The following STARD10 variants were observed in gnomAD, a reference collection of about 807,000 sequenced individuals.
The protein encoded by STARD10 is StAR related lipid transfer domain containing 10, also known as START domain-containing protein 10.
In STARD10, 24 loss-of-function variants were observed where a neutral mutation model predicts 36.0. That is an observed-to-expected ratio of 0.67 (90% CI 0.48 to 0.94). The LOEUF is 0.94. Ranked by LOEUF, STARD10 falls within the 40% of genes least tolerant of loss-of-function variation. The probability of loss-of-function intolerance (pLI) is 0.00; values close to 1 mark genes in which losing one functional copy is unlikely to be tolerated. For missense variants in STARD10, 335 were observed against 396.6 expected, an observed-to-expected ratio of 0.84 and a Z score of 1.32; for synonymous variants, 156 against 161.9, an observed-to-expected ratio of 0.96 and a Z score of 0.28.
At chr11:72,773,655 C>T (rs900003428) in intron 2 of STARD10, among the ~76,000 whole-genome samples, 10 of 152,136 alleles carry the variant, frequency 6.6e-5, no homozygotes, top group African/African-American at 2.2e-4. Flanking sequence ...AGCACCTGCC[C>T]CTGAGGAGCT....
At chr11:72,792,172 C>T (rs887731392) in intron 1 of STARD10, among the ~76,000 whole-genome samples, 31 of 151,834 alleles carry the variant, frequency 2.0e-4, no homozygotes, top group African/African-American at 6.5e-4. Flanking sequence ...GCCCCAGCCT[C>T]CCGAGTAGCT....
rs773829995 is a variant in STARD10 at position 72,781,216 on chromosome 11, G to C, written c.-35C>G. On this transcript the variant is annotated 5_prime_UTR_variant, in exon 2 of 7. Coordinates refer to ENST00000334805, the MANE Select transcript of STARD10 (RefSeq NM_006645.3). This position sits in a 1 kb window ranked among gnomAD's most constrained non-coding sequence, Gnocchi z 4.7. ...GGGGAGGCCCAGGGCCCTGGTCCTA[G>C]TCCGGCTCTCCTGGGTCCTCCGCGG... The C allele has an allele frequency of 1.9e-6, 3 of 1,580,878 alleles. No homozygotes were observed. The highest frequency in any genetic ancestry group is 8.6e-7 in the Non-Finnish European group (1 of 1,162,164).
intron 2 of STARD10, 101 bp downstream of exon 2, chr11:72,780,874 G>C: frequency 8.0e-7 from 1 of 1,247,536 alleles, no homozygotes; most frequent in South Asian, 1.2e-5. Context: ...TCTGGGCCCA[G>C]ATATACAGCC....
At chr11:72,756,975 C>T (rs1858653139) in intron 5 of STARD10, among the ~76,000 whole-genome samples, 1 of 151,962 alleles carries the variant, frequency 6.6e-6, no homozygotes, top group South Asian at 2.1e-4. Flanking sequence ...GAAACCCCAT[C>T]TCTACTAAAA....
At chr11:72,784,941 T>TG (rs1859053067) in intron 1 of STARD10, among the ~76,000 whole-genome samples, 1 of 152,182 alleles carries the variant, frequency 6.6e-6, no homozygotes, top group Admixed American at 6.5e-5. Flanking sequence ...GCTGAGGTTG[T>TG]GGGGGGCACG....
At chr11:72,786,942 A>G (rs910106410) in intron 1 of STARD10, among the ~76,000 whole-genome samples, 1 of 152,038 alleles carries the variant, frequency 6.6e-6, no homozygotes, top group Non-Finnish European at 1.5e-5. Flanking sequence ...TTAGCTGGGC[A>G]TGGTGGCACA....
intron 1 of STARD10, among the ~76,000 whole-genome samples, chr11:72,784,229 G>C (rs1859043849): frequency 6.6e-6 from 1 of 152,200 alleles, no homozygotes; most frequent in Non-Finnish European, 1.5e-5. Flanking sequence ...CAGAGCAGAA[G>C]AATGAGCCCA....
At chr11:72,758,440 G>C (rs551892757) in intron 4 of STARD10, 90 bp downstream of exon 4, 9 of 1,024,528 alleles carry the variant, frequency 8.8e-6, no homozygotes, top group Non-Finnish European at 1.4e-5. Flanking sequence ...ATGCCTGCCC[G>C]AAGTCATATT....
chr11:72,761,917 C>CTTTTTTTTTTTTTTTTTTTTTTTTTTTT lies in STARD10; in HGVS notation c.208-2537_208-2536insAAAAAAAAAAAAAAAAAAAAAAAAAAAA, dbSNP rs1189000490. Among the ~76,000 whole-genome samples, 35 of 37,476 alleles carry CTTTTTTTTTTTTTTTTTTTTTTTTTTTT rather than the reference C, an allele frequency of 9.3e-4. 7 individuals are homozygous for CTTTTTTTTTTTTTTTTTTTTTTTTTTTT. The highest frequency in any genetic ancestry group is 1.3e-3 in the Admixed American group (4 of 3,168). 24.6% of individuals were successfully genotyped at this position (37,476 alleles called of 152,430 possible). On this transcript the variant is annotated intron_variant, in intron 2 of 6. Coordinates refer to ENST00000334805, the MANE Select transcript of STARD10 (RefSeq NM_006645.3). ...TCTGTATTTCTTTTTCTTTTCTTTT[C>CTTTTTTTTTTTTTTTTTTTTTTTTTTTT]TTTTTTTTTTTTTTTTTTTTTTTTT...
Position 72,758,606 on chromosome 11 carries a change from C to T in STARD10, c.383G>A (p.Arg128His). Residue 128 changes from arginine to histidine, a missense_variant, in exon 4 of 7, where the codon CGT becomes CAT. Transcript: ENST00000334805. ...CCAGGAGCGGAGGGTGATGACATCA[C>T]GGTTCTTCAGGGGCTTGGGACACCT... Reference protein sequence around the residue: ...SWRCPKPLKNRDVITLRSWLP... With the variant: ...SWRCPKPLKNHDVITLRSWLP... 9 of 1,613,934 alleles carry T rather than the reference C, an allele frequency of 5.6e-6. No homozygotes were observed. The highest frequency in any genetic ancestry group is 6.8e-6 in the Non-Finnish European group (8 of 1,179,944).
At chr11:72,770,784 A>G (rs1015524339) in intron 2 of STARD10, among the ~76,000 whole-genome samples, 1 of 152,130 alleles carries the variant, frequency 6.6e-6, no homozygotes, top group Non-Finnish European at 1.5e-5. Flanking sequence ...CCAGGAGAGG[A>G]GACGGCACCC....
intron 2 of STARD10, among the ~76,000 whole-genome samples, chr11:72,776,267 C>T (rs1858929405): frequency 6.6e-6 from 1 of 152,198 alleles, no homozygotes; most frequent in African/African-American, 2.4e-5. Context: ...ACAGCCTCTA[C>T]AGACCACCTG....
intron 2 of STARD10, among the ~76,000 whole-genome samples, chr11:72,760,249 G>A (rs182416781): frequency 1.4e-3 from 206 of 151,460 alleles, no homozygotes; most frequent in Non-Finnish European, 2.1e-3. Flanking sequence ...TTATTGAGAC[G>A]GAGTTTTGCT....
Position 72,781,244 on chromosome 11 carries a change from G to A in STARD10, c.-63C>T, listed in dbSNP as rs1858992927. 6 of 1,469,344 alleles carry A rather than the reference G, an allele frequency of 4.1e-6. No individual in the cohort carries two copies. Among genetic ancestry groups the A allele is most frequent in the African/African-American group, 1.4e-5 (1 of 71,664 alleles). The allele number at this position is 1,469,344 out of a possible 1,614,324, so 91.0% of individuals were successfully genotyped here. A position where few individuals can be genotyped will look rare whatever the true frequency, so the allele number is the denominator to read the frequency against. On this transcript the variant is annotated 5_prime_UTR_variant, in exon 2 of 7. Coordinates refer to ENST00000334805, the MANE Select transcript of STARD10 (RefSeq NM_006645.3). The surrounding 1 kb of genome is among the most constrained non-coding windows in gnomAD (Gnocchi z 4.7). ...CGGCTCTCCTGGGTCCTCCGCGGAG[G>A]CTCCGACAACGTCGACGCGGCTGCA...
chr11:72,761,774 C>G (rs1402611847), intron 2 of STARD10, among the ~76,000 whole-genome samples: 1 of 151,744 alleles, frequency 6.6e-6, no homozygotes, highest in African/African-American at 2.4e-5. Flanking sequence ...GCAGCATAAC[C>G]TCAATTGGGG....
At chr11:72,788,148 C>T (rs1178351279) in intron 1 of STARD10, among the ~76,000 whole-genome samples, 2 of 152,184 alleles carry the variant, frequency 1.3e-5, no homozygotes, top group African/African-American at 4.8e-5. Context: ...AGGTATAGAC[C>T]AGCTTCCATA....
chr11:72,781,105 T>C lies in STARD10; in HGVS notation c.77A>G (p.Asp26Gly). Reference sequence around the variant, plus strand: ...CCGGAAGCTGCGAAAGTCTTGGTCATCGGGCACCTGGACACTCTCACGGCC... The same window carrying C: ...CCGGAAGCTGCGAAAGTCTTGGTCACCGGGCACCTGGACACTCTCACGGCC... ...VLGRESVQVP[D>G]DQDFRSFRSE... is the part of the protein sequence containing the mutation. The change falls in exon 2 of 7, where the codon GAT becomes GGT. Residue 26 changes from aspartate (D) to glycine (G), a missense_variant. Transcript: ENST00000334805. The surrounding 1 kb of genome is among the most constrained non-coding windows in gnomAD (Gnocchi z 4.7). 2 of 1,613,916 alleles carry C rather than the reference T, an allele frequency of 1.2e-6. No individual in the cohort carries two copies. Among genetic ancestry groups the C allele is most frequent in the South Asian group, 1.1e-5 (1 of 91,082 alleles).
rs1225430782 is a variant in STARD10, at chr11:72,761,941, T to C, written c.208-2560A>G. Among the ~76,000 whole-genome samples, 17 of 144,266 alleles carry C rather than the reference T, an allele frequency of 1.2e-4. No homozygotes were observed. The East Asian group carries it at 1.8e-3, about 15-fold the overall frequency. The allele number at this position is 144,266 out of a possible 152,430, so 94.6% of individuals were successfully genotyped here. ...TCTTTTTTTTTTTTTTTTTTTTTTT[T>C]TGAGATGGAGTTTCGCTTTTGTTGC... On this transcript the variant is annotated intron_variant, in intron 2 of 6. Coordinates refer to ENST00000334805, the MANE Select transcript of STARD10 (RefSeq NM_006645.3).
intron 2 of STARD10, among the ~76,000 whole-genome samples, chr11:72,760,393 A>C (rs1442202867): frequency 6.6e-6 from 1 of 151,342 alleles, no homozygotes; most frequent in Non-Finnish European, 1.5e-5. Context: ...CTCCCGGCTA[A>C]TTTTTTGTAT....
Sources: allele counts gnomAD v4.1 joint callset (sites outside exome capture counted in the v4.1 genomes callset), GRCh38; gene constraint gnomAD v4.1.1; non-coding constraint Gnocchi (gnomAD v3.1); transcripts MANE v1.5; gene names NCBI Gene and HGNC (gene_info 2026-07-23, HGNC 2026-07-21).